The following STK32B variants were observed in gnomAD, a reference collection of about 807,000 sequenced individuals.
STK32B encodes serine/threonine kinase 32B.
In STK32B, 43 loss-of-function variants were observed where a neutral mutation model predicts 52.6. The ratio of observed to expected loss-of-function variants is 0.82; its 90% confidence interval spans 0.64 to 1.05. STK32B has a LOEUF of 1.05. STK32B is among the 50% of genes least tolerant of loss of function. The pLI, the probability that STK32B is intolerant of heterozygous loss-of-function variation, is 0.00. For missense variants in STK32B, 621 were observed against 534.6 expected, an observed-to-expected ratio of 1.16 and a Z score of -1.59; for synonymous variants, 238 against 204.3, an observed-to-expected ratio of 1.17 and a Z score of -1.41.
chr4:5,136,645 AC>A (rs1716096548), intron 1 of STK32B, among the ~76,000 whole-genome samples: 1 of 151,374 alleles, frequency 6.6e-6, no homozygotes, highest in African/African-American at 2.4e-5. Context: ...ACCCTCTCAC[AC>A]CCCCCAGCCA....
intron 3 of STK32B, among the ~76,000 whole-genome samples, chr4:5,281,619 A>G (rs973536890): frequency 6.6e-6 from 1 of 152,212 alleles, no homozygotes; most frequent in Non-Finnish European, 1.5e-5. Context: ...AAGAAGAAAT[A>G]TAATAAGCAA....
chr4:5,122,339 C>G (rs1715083972), intron 1 of STK32B, among the ~76,000 whole-genome samples: 1 of 151,884 alleles, frequency 6.6e-6, no homozygotes. Flanking sequence ...TTCACTCATT[C>G]ATTCACTGAT....
chr4:5,320,813 A>T (rs1731438228), intron 3 of STK32B, among the ~76,000 whole-genome samples: 1 of 152,208 alleles, frequency 6.6e-6, no homozygotes, highest in South Asian at 2.1e-4. Context: ...TTGTGTTTAC[A>T]TTGTATTTTA....
In STK32B at chr4:5,469,276, C is replaced by T. The variant is rs1277380330; in HGVS notation, c.1106+1206C>T. 3.3e-5 allele frequency among the ~76,000 whole-genome samples: 5 copies of T among 152,272 alleles called. No individual in the cohort carries two copies. Among genetic ancestry groups the T allele is most frequent in the South Asian group, 4.1e-4 (2 of 4,820 alleles). ...CCTTATGCAATCCCCAGTATTCAAC[C>T]GTTTTGGCTTTCAGCAGATGCTAAC... On this transcript the variant is annotated intron_variant, in intron 11 of 11. Transcript: ENST00000282908. The surrounding 1 kb of genome is among the most constrained non-coding windows in gnomAD (Gnocchi z 4.7).
chr4:5,379,807 A>G (rs887854174), intron 4 of STK32B, among the ~76,000 whole-genome samples: 2 of 152,196 alleles, frequency 1.3e-5, no homozygotes, highest in African/African-American at 4.8e-5. Context: ...TTTGGACTCT[A>G]GAATGGTGAG....
At chr4:5,095,746 A>G (rs1187487552) in intron 1 of STK32B, among the ~76,000 whole-genome samples, 1 of 152,232 alleles carries the variant, frequency 6.6e-6, no homozygotes, top group African/African-American at 2.4e-5. Context: ...CACCACCGTC[A>G]TGACTGACCC....
At chr4:5,267,770 G>C (rs1482348254) in intron 3 of STK32B, among the ~76,000 whole-genome samples, 1 of 152,194 alleles carries the variant, frequency 6.6e-6, no homozygotes, top group East Asian at 1.9e-4. Flanking sequence ...ATTTATTATT[G>C]TAAATGGCAA....
chr4:5,331,157 T>A, intron 3 of STK32B, 63 bp from the exon 4 acceptor site: 1 of 1,462,972 alleles, frequency 6.8e-7, no homozygotes, highest in African/African-American at 1.4e-5. Flanking sequence ...AATGGAGGCA[T>A]TGGTCTTGAG....
chr4:5,264,654 G>T (rs913346344), intron 3 of STK32B, among the ~76,000 whole-genome samples: 7 of 152,026 alleles, frequency 4.6e-5, no homozygotes, highest in Non-Finnish European at 8.8e-5. Flanking sequence ...GGGCATGGTG[G>T]CGGGCGCCTG....
At chr4:5,455,621 G>C (rs960816196) in intron 7 of STK32B, among the ~76,000 whole-genome samples, 1 of 152,126 alleles carries the variant, frequency 6.6e-6, no homozygotes, top group African/African-American at 2.4e-5. Context: ...CCCAAACCCA[G>C]GGACCAAGGT....
At chr4:5,047,406 T>C (rs534289995), upstream of STK32B, among the ~76,000 whole-genome samples, 5 of 152,248 alleles carry the variant, frequency 3.3e-5, no homozygotes, top group East Asian at 5.8e-4. Context: ...CCACGGCACA[T>C]GTCTACTTAT....
intron 1 of STK32B, among the ~76,000 whole-genome samples, chr4:5,099,460 G>GTGCGCGCGCACACGCGCC: frequency 6.6e-6 from 1 of 152,100 alleles, no homozygotes; most frequent in African/African-American, 2.4e-5. Context: ...GCGCGCGCGC[G>GTGCGCGCGCACACGCGCC]TATGTGATGT....
At chr4:5,284,693 G>C (rs1346243723) in intron 3 of STK32B, among the ~76,000 whole-genome samples, 1 of 152,176 alleles carries the variant, frequency 6.6e-6, no homozygotes, top group African/African-American at 2.4e-5. Flanking sequence ...GCCACCTTCT[G>C]TTGCCAATGC....
chr4:5,059,669 A>AT (rs1742145569), intron 1 of STK32B, among the ~76,000 whole-genome samples: 1 of 152,240 alleles, frequency 6.6e-6, no homozygotes, highest in Admixed American at 6.5e-5. Context: ...GAAGTGGACA[A>AT]AATACTCTAT....
At chr4:5,363,835 A>G (rs1475556672) in intron 4 of STK32B, among the ~76,000 whole-genome samples, 2 of 152,142 alleles carry the variant, frequency 1.3e-5, no homozygotes, top group East Asian at 3.9e-4. Context: ...TTTGCCATAG[A>G]AGAATCCAAT....
At chr4:5,025,625 G>A in the STK32B span, among the ~76,000 whole-genome samples, 1 of 152,150 alleles carries the variant, frequency 6.6e-6, no homozygotes, top group African/African-American at 2.4e-5. Flanking sequence ...TTGCTTGATG[G>A]TAATCCATGG....
intron 3 of STK32B, among the ~76,000 whole-genome samples, chr4:5,277,567 T>A (rs909756543): frequency 6.6e-6 from 1 of 152,206 alleles, no homozygotes; most frequent in Non-Finnish European, 1.5e-5. Context: ...AACATGCGGA[T>A]AAAATCTCTT....
chr4:5,263,223 C>CGATGCAGTCCCATAT (rs1726841552), intron 3 of STK32B, among the ~76,000 whole-genome samples: 1 of 152,202 alleles, frequency 6.6e-6, no homozygotes. Context: ...CCACGTGTAT[C>CGATGCAGTCCCATAT]AATGCAGTCC....
chr4:5,318,162 A>C (rs1323960224), intron 3 of STK32B, among the ~76,000 whole-genome samples: 1 of 152,026 alleles, frequency 6.6e-6, no homozygotes, highest in Non-Finnish European at 1.5e-5. Flanking sequence ...TGATTGGGGG[A>C]AAGGGCAGAC....
Sources: gnomAD v4.1 joint callset for allele counts (sites outside exome capture counted in the v4.1 genomes callset) on GRCh38, gnomAD v4.1.1 for gene constraint, Gnocchi (gnomAD v3.1) non-coding constraint, MANE v1.5 for transcripts, NCBI Gene and HGNC (gene_info 2026-07-23, HGNC 2026-07-21) for gene names.